CBY2: variants seen among roughly 807,000 people sequenced by gnomAD.
CBY2 encodes chibby family member 2.
A neutral mutation model predicts 25.3 loss-of-function variants in CBY2; 23 were observed. The observed-to-expected ratio is 0.91, with a 90% CI of 0.65 to 1.29. CBY2 has a LOEUF of 1.29. Among genes scored for constraint, CBY2 ranks in the 50% most tolerant of loss-of-function variants. The pLI is 0.00. For synonymous variants in CBY2, 279 were observed against 260.2 expected (o/e 1.07, Z -0.70); for missense variants, 642 against 590.7 (o/e 1.09, Z -0.90).
rs1461330894 is a variant in CBY2 at position 45,713,888 on chromosome 13, A to G, written c.863A>G (p.His288Arg). 3.3e-6 allele frequency: 5 copies of G among 1,532,426 alleles called. No individual in the cohort carries two copies. The African/African-American group carries it at 6.9e-5, about 21-fold the overall frequency. 94.9% of individuals were successfully genotyped at this position (1,532,426 alleles called of 1,614,324 possible). Residue 288 changes from histidine to arginine, a missense_variant, in exon 3 of 3, where the codon CAC (histidine) becomes CGC (arginine). Coordinates refer to ENST00000310521, the MANE Select transcript of CBY2 (RefSeq NM_152719.3). This position sits in a 1 kb window ranked among gnomAD's most constrained non-coding sequence, Gnocchi z 5.0. ...AEESKPAPSP[H>R]EEPCSPGLLQ... ...GAAAGCAAGCCCGCCCCCTCACCCC[A>G]CGAGGAGCCCTGCAGCCCCGGGCTG...
chr13:45,703,147 A>C (rs1035416140), intron 2 of CBY2: 9 of 1,261,130 alleles, frequency 7.1e-6, no homozygotes, highest in Middle Eastern at 3.1e-4. Context: ...CAGCCTTCTC[A>C]AAACGAGATC....
intron 2 of CBY2, among the ~76,000 whole-genome samples, chr13:45,712,926 C>A (rs1950279091): frequency 6.6e-6 from 1 of 152,160 alleles, no homozygotes; most frequent in Non-Finnish European, 1.5e-5. Context: ...GGAACATAGC[C>A]CTCTATTTCC....
rs1373762484 is a variant in CBY2, at chr13:45,713,424, G to A, written c.399G>A (p.Gly133=). 1.9e-6 allele frequency: 3 copies of A among 1,614,244 alleles called. No homozygotes were observed. The highest frequency in any genetic ancestry group is 1.6e-4 in the Middle Eastern group (1 of 6,062). ...LSDEMFVFQD[G]RWVNENCRLQ... ...ACGAGATGTTCGTGTTCCAGGACGGGCGCTGGGTAAATGAGAACTGCCGCC... is the reference window on the plus strand; with the variant it reads ...ACGAGATGTTCGTGTTCCAGGACGGACGCTGGGTAAATGAGAACTGCCGCC... Residue 133 remains glycine, a synonymous_variant, in exon 3 of 3, where the codon GGG becomes GGA. Coordinates refer to ENST00000310521, the MANE Select transcript of CBY2 (RefSeq NM_152719.3). The surrounding 1 kb of genome is among the most constrained non-coding windows in gnomAD (Gnocchi z 5.0).
rs755418191 is a variant in CBY2 at position 45,714,339 on chromosome 13, G to T, written c.1314G>T (p.Arg438Ser). ...IEELYAFMPA[R>S]SQDPKKPSRV is the part of the protein sequence containing the mutation. Reference sequence around the variant, plus strand: ...AGCTCTACGCCTTCATGCCGGCCAGGAGCCAGGACCCCAAGAAGCCTAGCA... The same window carrying T: ...AGCTCTACGCCTTCATGCCGGCCAGTAGCCAGGACCCCAAGAAGCCTAGCA... The change falls in exon 3 of 3, where the codon AGG becomes AGT. Residue 438 changes from arginine (R) to serine (S), a missense_variant. Physicochemically the swap from Arg to Ser is moderately radical, Grantham distance 110. Transcript: ENST00000310521. 2 of 1,611,144 alleles carry T rather than the reference G, an allele frequency of 1.2e-6. No individual in the cohort carries two copies. Among genetic ancestry groups the T allele is most frequent in the Middle Eastern group, 3.3e-4 (2 of 6,042 alleles).
Position 45,704,862 on chromosome 13 carries a change from GTTC to G in CBY2, c.156+2012_156+2014del, listed in dbSNP as rs983289571. Reference sequence around the variant, plus strand: ...GGCCATGCTGCATCTTAGCTCCATGGTTCTTCTCTTGCTTTTTGGAGATGGAGT... The same window carrying G: ...GGCCATGCTGCATCTTAGCTCCATGGTTCTCTTGCTTTTTGGAGATGGAGT... On this transcript the variant is annotated intron_variant, in intron 2 of 2. Transcript: ENST00000310521. The surrounding 1 kb of genome is among the most constrained non-coding windows in gnomAD (Gnocchi z 4.1). Among the ~76,000 whole-genome samples, 1 of 152,178 alleles carries G rather than the reference GTTC, an allele frequency of 6.6e-6. No individual in the cohort carries two copies. The highest frequency in any genetic ancestry group is 2.4e-5 in the African/African-American group (1 of 41,444).
At chr13:45,712,754 G>A (rs1593357168) in intron 2 of CBY2, among the ~76,000 whole-genome samples, 1 of 152,284 alleles carries the variant, frequency 6.6e-6, no homozygotes, top group East Asian at 1.9e-4. Context: ...ATCACAAGAA[G>A]GCTATGCTGT....
At chr13:45,709,801 A>G (rs1221903654) in intron 2 of CBY2, among the ~76,000 whole-genome samples, 1 of 152,190 alleles carries the variant, frequency 6.6e-6, no homozygotes, top group Non-Finnish European at 1.5e-5. Flanking sequence ...TCCATCATAT[A>G]AATTGAAGGA....
chr13:45,703,136 C>A, intron 2 of CBY2: 2 of 1,269,446 alleles, frequency 1.6e-6, no homozygotes, highest in Non-Finnish European at 2.0e-6. Context: ...CTGAAGTAAC[C>A]CAGCCTTCTC....
rs1054531612 is a variant in CBY2 at position 45,713,497 on chromosome 13, C to G, written c.472C>G (p.His158Asp). The change falls in exon 3 of 3, where the codon CAC becomes GAC. Residue 158 changes from histidine (H) to aspartate (D), a missense_variant. Transcript: ENST00000310521. The surrounding 1 kb of genome is among the most constrained non-coding windows in gnomAD (Gnocchi z 5.0). Reference protein sequence around the residue: ...SPSASFHHKLHHKRLAKECML... With the variant: ...SPSASFHHKLDHKRLAKECML... ...ATCCGCCTCCTTCCACCACAAGCTG[C>G]ACCACAAGAGGCTGGCCAAGGAGTG... 6.2e-7 allele frequency: 1 copy of G among 1,614,226 alleles called. No individual in the cohort carries two copies. Among genetic ancestry groups the G allele is most frequent in the East Asian group, 2.2e-5 (1 of 44,874 alleles).
chr13:45,714,359 C>G lies in CBY2; in HGVS notation c.1334C>G (p.Pro445Arg), dbSNP rs1950301369. ...GCCAGGAGCCAGGACCCCAAGAAGC[C>G]TAGCAGGGTCTGAGGCCTCGGCCTT... ...MPARSQDPKK[P>R]SRV Residue 445 changes from proline (P) to arginine (R), a missense_variant, in exon 3 of 3, where the codon CCT becomes CGT. Transcript: ENST00000310521. 3 of 1,603,616 alleles carry G rather than the reference C, an allele frequency of 1.9e-6. No homozygotes were observed. The highest frequency in any genetic ancestry group is 1.7e-6 in the Non-Finnish European group (2 of 1,174,768).
At chr13:45,709,585 A>G (rs1228466909) in intron 2 of CBY2, among the ~76,000 whole-genome samples, 1 of 152,218 alleles carries the variant, frequency 6.6e-6, no homozygotes, top group Non-Finnish European at 1.5e-5. Flanking sequence ...ATTCTGTTAA[A>G]GAGGCACATA....
At chr13:45,706,936 A>C (rs1950242762) in intron 2 of CBY2, among the ~76,000 whole-genome samples, 1 of 152,148 alleles carries the variant, frequency 6.6e-6, no homozygotes, top group African/African-American at 2.4e-5. Flanking sequence ...AATATACTCC[A>C]CGTTGCATAG....
chr13:45,711,062 G>T (rs1369481670), intron 2 of CBY2, among the ~76,000 whole-genome samples: 1 of 152,174 alleles, frequency 6.6e-6, no homozygotes, highest in Admixed American at 6.5e-5. Flanking sequence ...AGAGCATTTT[G>T]ATATACTTGG....
chr13:45,713,056 C>A lies in CBY2; in HGVS notation c.157-126C>A. 1 of 719,526 alleles carries A rather than the reference C, an allele frequency of 1.4e-6. No individual in the cohort carries two copies. Among genetic ancestry groups the A allele is most frequent in the Non-Finnish European group, 2.3e-6 (1 of 444,070 alleles). 44.6% of individuals were successfully genotyped at this position (719,526 alleles called of 1,614,324 possible). On this transcript the variant is annotated intron_variant, in intron 2 of 2. Coordinates refer to ENST00000310521, the MANE Select transcript of CBY2 (RefSeq NM_152719.3). This position sits in a 1 kb window ranked among gnomAD's most constrained non-coding sequence, Gnocchi z 5.0. The stretch of plus-strand genomic sequence containing the variant: ...TTGTGAGGACCCCAAGAAGCAAAAG[C>A]GCCCACTGTGGCCAGGCCAGACAAT...
In CBY2 at chr13:45,702,443, C is replaced by T. The variant is rs143359767; in HGVS notation, c.53C>T (p.Thr18Ile). 1.7e-5 allele frequency: 27 copies of T among 1,613,900 alleles called. No individual in the cohort carries two copies. Among genetic ancestry groups the T allele is most frequent in the African/African-American group, 6.7e-5 (5 of 74,928 alleles). ...TTTGGTGACCAACTTCTGCATAGGACCTATACCTGGCAACTCACATTGGTA... is the reference window on the plus strand; with the variant it reads ...TTTGGTGACCAACTTCTGCATAGGATCTATACCTGGCAACTCACATTGGTA... ...ECFGDQLLHRTYTWQLTLHSR... is the reference protein window; with the variant it reads ...ECFGDQLLHRIYTWQLTLHSR... Residue 18 changes from threonine (T) to isoleucine (I), a missense_variant, in exon 1 of 3, where the codon ACC (threonine) becomes ATC (isoleucine). By Grantham distance (89) the Thr-to-Ile change is moderately conservative. Coordinates refer to ENST00000310521, the MANE Select transcript of CBY2 (RefSeq NM_152719.3).
chr13:45,702,962 C>A, intron 2 of CBY2, 107 bp downstream of exon 2: 2 of 1,170,570 alleles, frequency 1.7e-6, no homozygotes, highest in Non-Finnish European at 1.2e-6. Flanking sequence ...CAGAGATAGT[C>A]AGGGCTTCAG....
intron 2 of CBY2, among the ~76,000 whole-genome samples, chr13:45,703,897 G>T (rs938595588): frequency 6.6e-6 from 1 of 152,008 alleles, no homozygotes; most frequent in African/African-American, 2.4e-5. Context: ...CCTGAAATAC[G>T]CAGGGAGTTG....
intron 2 of CBY2, among the ~76,000 whole-genome samples, chr13:45,710,185 C>G (rs1346176534): frequency 6.6e-6 from 1 of 152,082 alleles, no homozygotes; most frequent in Non-Finnish European, 1.5e-5. Flanking sequence ...TCAAATCCTG[C>G]TGAGATAAAG....
intron 2 of CBY2, among the ~76,000 whole-genome samples, chr13:45,709,101 G>C (rs1428782677): frequency 4.6e-5 from 7 of 152,156 alleles, no homozygotes; most frequent in Non-Finnish European, 2.9e-5. Context: ...GAGACAGTTA[G>C]GCCAAGAGAG....
Sources: allele counts gnomAD v4.1 joint callset (sites outside exome capture counted in the v4.1 genomes callset), GRCh38; gene constraint gnomAD v4.1.1; non-coding constraint Gnocchi (gnomAD v3.1); transcripts MANE v1.5; gene names NCBI Gene and HGNC (gene_info 2026-07-23, HGNC 2026-07-21).